NBEAL1: variants seen among roughly 807,000 people sequenced by gnomAD.
NBEAL1 encodes neurobeachin like 1, also known as neurobeachin-like protein 1.
In NBEAL1, 273 loss-of-function variants were observed where a neutral mutation model predicts 351.3. The ratio of observed to expected loss-of-function variants is 0.78; its 90% CI spans 0.70 to 0.86. NBEAL1 has a LOEUF of 0.86. Among genes scored for constraint, NBEAL1 ranks in the 40% least tolerant of loss-of-function variants. The pLI is 0.00. For missense variants in NBEAL1, 2,961 were observed against 3,201.3 expected, an observed-to-expected ratio of 0.92 and a Z score of 1.81; for synonymous variants, 1,050 against 1,086.4, an observed-to-expected ratio of 0.97 and a Z score of 0.66.
chr2:203,144,323 G>A (rs2063456255), intron 31 of NBEAL1, among the ~76,000 whole-genome samples: 2 of 152,066 alleles, frequency 1.3e-5, no homozygotes, highest in Non-Finnish European at 2.9e-5. Flanking sequence ...CTCACTGTGG[G>A]AATTGCACTT....
chr2:203,108,008 T>C lies in NBEAL1; in HGVS notation c.1769T>C (p.Leu590Pro), dbSNP rs749038039. 6.4e-7 allele frequency: 1 copy of C among 1,554,422 alleles called. No homozygotes were observed. The highest frequency in any genetic ancestry group is 1.4e-5 in the African/African-American group (1 of 73,564). The change falls in exon 14 of 56, where the codon CTA (leucine) becomes CCA (proline). Residue 590 changes from leucine to proline, a missense_variant. Physicochemically the swap from Leu to Pro is moderately conservative, Grantham distance 98. Coordinates refer to ENST00000683969, the MANE Select transcript of NBEAL1 (RefSeq NM_001378026.1). ...GCAATCCTGACAATGGCCCGAAAACTAAGTCTAGAGAGTGCCCTCCAGTAT... is the reference window on the plus strand; with the variant it reads ...GCAATCCTGACAATGGCCCGAAAACCAAGTCTAGAGAGTGCCCTCCAGTAT... ...TRAILTMARK[L>P]SLESALQYFN... is the part of the protein sequence containing the mutation.
chr2:203,129,090 C>T (rs1159914457), intron 24 of NBEAL1, among the ~76,000 whole-genome samples: 1 of 152,186 alleles, frequency 6.6e-6, no homozygotes, highest in East Asian at 1.9e-4. Flanking sequence ...ACTGATTCAA[C>T]TGCTGAACCA....
At chr2:203,032,145 G>T (rs984086424) in intron 2 of NBEAL1, among the ~76,000 whole-genome samples, 19 of 152,240 alleles carry the variant, frequency 1.2e-4, no homozygotes, top group African/African-American at 4.1e-4. Context: ...GCTTTTAAGT[G>T]GTTCCTTCAG....
chr2:203,087,832 CTT>C (rs1356540855), intron 10 of NBEAL1, among the ~76,000 whole-genome samples: 1 of 152,150 alleles, frequency 6.6e-6, no homozygotes, highest in East Asian at 1.9e-4. Context: ...AGCAGGCTGA[CTT>C]TAATTTCTTC....
intron 51 of NBEAL1, among the ~76,000 whole-genome samples, chr2:203,203,289 G>A (rs918302055): frequency 3.4e-5 from 5 of 147,212 alleles, no homozygotes; most frequent in Middle Eastern, 3.4e-3. Flanking sequence ...TTACAGGCAC[G>A]TGCCACCATG....
chr2:203,042,333 A>C (rs1001618478), intron 3 of NBEAL1, among the ~76,000 whole-genome samples: 2 of 152,232 alleles, frequency 1.3e-5, no homozygotes, highest in African/African-American at 4.8e-5. Flanking sequence ...ATTGTAATGA[A>C]TACACATAGG....
chr2:203,144,526 G>T (rs2063460748), intron 31 of NBEAL1, 74 bp from the exon 32 acceptor site: 3 of 1,384,946 alleles, frequency 2.2e-6, no homozygotes, highest in Non-Finnish European at 2.0e-6. Context: ...AATCCACAGA[G>T]CCAGGCAGAA....
intron 51 of NBEAL1, among the ~76,000 whole-genome samples, chr2:203,206,037 G>T (rs1484042349): frequency 1.3e-5 from 2 of 152,144 alleles, no homozygotes; most frequent in African/African-American, 4.8e-5. Flanking sequence ...GTATGCTAAA[G>T]ACAAAGCACG....
At chr2:203,145,315 G>A (rs1395294944) in intron 33 of NBEAL1, among the ~76,000 whole-genome samples, 155 bp downstream of exon 33, 2 of 152,078 alleles carry the variant, frequency 1.3e-5, no homozygotes, top group Non-Finnish European at 2.9e-5. Flanking sequence ...CAGCTAATCA[G>A]TAACAAGATC....
At chr2:203,133,271 T>A in intron 27 of NBEAL1, 125 bp downstream of exon 27, 1 of 437,126 alleles carries the variant, frequency 2.3e-6, no homozygotes, top group Non-Finnish European at 4.1e-6. Flanking sequence ...ATTTTATAAG[T>A]AAACAATTTT....
chr2:203,211,158 T>C (rs1038046341), intron 54 of NBEAL1, 52 bp downstream of exon 54: 3 of 1,226,632 alleles, frequency 2.4e-6, no homozygotes, highest in Middle Eastern at 2.0e-4. Context: ...GCAGTACTTC[T>C]AGTCTAGAGT....
intron 34 of NBEAL1, 27 bp downstream of exon 34, chr2:203,149,175 C>T (rs1415570596): frequency 1.3e-6 from 2 of 1,544,382 alleles, no homozygotes; most frequent in East Asian, 2.3e-5. Flanking sequence ...TTATTAAGTA[C>T]TCCTTTTTCT....
intron 7 of NBEAL1, among the ~76,000 whole-genome samples, chr2:203,077,218 A>C (rs1403420654): frequency 6.6e-6 from 1 of 151,984 alleles, no homozygotes; most frequent in African/African-American, 2.4e-5. Context: ...AAAAATACAA[A>C]AATTAGCTGG....
At chr2:203,072,219 A>G (rs2061695284) in intron 7 of NBEAL1, among the ~76,000 whole-genome samples, 2 of 152,198 alleles carry the variant, frequency 1.3e-5, no homozygotes, top group Admixed American at 6.5e-5. Flanking sequence ...AAGAAGTCCA[A>G]CAGTCTACCT....
rs1269407194 is a variant in NBEAL1, at chr2:203,149,113, C to A, written c.5427C>A (p.Leu1809=). Residue 1809 remains leucine (L), a synonymous_variant, in exon 34 of 56, where the codon CTC becomes CTA. Coordinates refer to ENST00000683969, the MANE Select transcript of NBEAL1 (RefSeq NM_001378026.1). ...ATLRRWKAIQ[L]YLTCERGPWA... The stretch of plus-strand genomic sequence containing the variant: ...TTAGACGCTGGAAAGCAATACAGCT[C>A]TATCTTACATGTGAAAGGGGACCTT... The A allele has an allele frequency of 6.2e-7, 1 of 1,606,976 alleles. No homozygotes were observed. Among genetic ancestry groups the A allele is most frequent in the African/African-American group, 1.3e-5 (1 of 74,896 alleles).
At chr2:203,034,537 A>C (rs1402687371) in intron 2 of NBEAL1, among the ~76,000 whole-genome samples, 2 of 131,312 alleles carry the variant, frequency 1.5e-5, no homozygotes, top group African/African-American at 2.8e-5. Context: ...CGGCTCACTG[A>C]AACCTCCACC....
At chr2:203,032,623 G>GAACAA (rs1163849480) in intron 2 of NBEAL1, among the ~76,000 whole-genome samples, 5 of 129,128 alleles carry the variant, frequency 3.9e-5, no homozygotes, top group African/African-American at 1.4e-4. Flanking sequence ...TCGTGCATAA[G>GAACAA]AACAAAAACC....
chr2:203,100,673 A>G (rs1559365626), intron 12 of NBEAL1, among the ~76,000 whole-genome samples: 1 of 151,540 alleles, frequency 6.6e-6, no homozygotes, highest in South Asian at 2.1e-4. Flanking sequence ...CAGCCTCCCA[A>G]GCAGCTGGGA....
chr2:203,140,738 A>G (rs2063346324), intron 31 of NBEAL1, among the ~76,000 whole-genome samples: 1 of 152,202 alleles, frequency 6.6e-6, no homozygotes, highest in African/African-American at 2.4e-5. Context: ...CTAAAGTAAT[A>G]TCTAAAATAT....
Sources: allele counts gnomAD v4.1 joint callset (sites outside exome capture counted in the v4.1 genomes callset), GRCh38; gene constraint gnomAD v4.1.1; transcripts MANE v1.5; gene names NCBI Gene and HGNC (gene_info 2026-07-23, HGNC 2026-07-21).